PRDM11: variants seen among roughly 807,000 people sequenced by gnomAD.
PRDM11 encodes the protein PR/SET domain 11.
Under a neutral mutation model 97.8 loss-of-function variants are expected in PRDM11, and 20 were observed. That is an observed-to-expected ratio of 0.20 (90% CI 0.14 to 0.30). The LOEUF is 0.30. Among genes scored for constraint, PRDM11 ranks in the 10% least tolerant of loss-of-function variants. PRDM11 has a pLI of 1.00. For synonymous variants in PRDM11, 599 were observed against 637.7 expected, an observed-to-expected ratio of 0.94 and a Z score of 0.91; for missense variants, 1,139 against 1,555.2, an observed-to-expected ratio of 0.73 and a Z score of 4.50.
intron 1 of PRDM11, among the ~76,000 whole-genome samples, chr11:45,158,596 C>T (rs1851856590): frequency 6.6e-6 from 1 of 152,224 alleles, no homozygotes; most frequent in Non-Finnish European, 1.5e-5. Context: ...TTAGAGTCCT[C>T]ACCCTGTCTG....
Position 45,121,744 on chromosome 11 carries a change from GCTCT to G in PRDM11, c.96+25846_96+25849del, listed in dbSNP as rs376615099. On this transcript the variant is annotated intron_variant, in intron 1 of 6. Coordinates refer to the PRDM11 transcript ENST00000530656. The stretch of plus-strand genomic sequence containing the variant: ...AAAGAACTGAAATTATACAGAATAT[GCTCT>G]CTAACTGGAGTGGAGTTAATTAGAA... Among the ~76,000 whole-genome samples the G allele has an allele frequency of 1.7e-4, 26 of 152,234 alleles. 1 individual carries two copies. The South Asian group carries it at 5.2e-3, about 30-fold the overall frequency.
chr11:45,233,944 C>T lies in PRDM11; in HGVS notation c.*5785C>T, dbSNP rs1328780403. The T allele has an allele frequency of 6.6e-6, 1 of 152,316 alleles. No homozygotes were observed. Among genetic ancestry groups the T allele is most frequent in the Non-Finnish European group, 1.5e-5 (1 of 68,112 alleles). The allele number at this position is 152,316 out of a possible 1,614,324, so 9.4% of individuals were successfully genotyped here. A position where few individuals can be genotyped will look rare whatever the true frequency, so the allele number is the denominator to read the frequency against. ...CTCACAGAGGCCCCGTGGCCCCTAC[C>T]CCACTCCCGCCGTAACAGGCAGGTT... On this transcript the variant is annotated 3_prime_UTR_variant, in exon 8 of 8. Transcript: ENST00000683152.
At chr11:45,209,180 C>T in intron 5 of PRDM11, 1 of 452,180 alleles carries the variant, frequency 2.2e-6, no homozygotes, top group Non-Finnish European at 4.5e-6. Context: ...GCCGGGCCCC[C>T]ACCATCGTGC....
intron 7 of PRDM11, 191 bp downstream of exon 7, chr11:45,225,034 G>A: frequency 6.9e-7 from 1 of 1,449,756 alleles, no homozygotes; most frequent in Non-Finnish European, 9.0e-7. Flanking sequence ...GCTCTGCCAG[G>A]TGCTCCATGT....
At chr11:45,220,588 T>C (rs954168674) in intron 6 of PRDM11, among the ~76,000 whole-genome samples, 5 of 152,252 alleles carry the variant, frequency 3.3e-5, no homozygotes, top group East Asian at 3.8e-4. Flanking sequence ...CTAATCCATA[T>C]TGGTCTGACT....
intron 5 of PRDM11, among the ~76,000 whole-genome samples, chr11:45,205,204 A>C (rs185828394): frequency 4.6e-5 from 7 of 152,300 alleles, no homozygotes; most frequent in Admixed American, 3.9e-4. Context: ...GGCTCTGACA[A>C]AGTCTTCAGC....
In PRDM11 at chr11:45,231,326, G is replaced by A. The variant is rs936724647; in HGVS notation, c.*3167G>A. On this transcript the variant is annotated 3_prime_UTR_variant, in exon 8 of 8. Transcript: ENST00000683152. ...TCTTCTGCTTGCTTGAGAAGGACTT[G>A]GACTGATGGGACACTCAGGGTCTAG... is the stretch of plus-strand genomic sequence containing the variant. The A allele has an allele frequency of 1.3e-5, 2 of 152,004 alleles. No homozygotes were observed. Among genetic ancestry groups the A allele is most frequent in the Non-Finnish European group, 2.9e-5 (2 of 68,056 alleles). The allele number at this position is 152,004 out of a possible 1,614,324, so 9.4% of individuals were successfully genotyped here.
chr11:45,100,110 A>G (rs1851948716), intron 1 of PRDM11, among the ~76,000 whole-genome samples: 2 of 152,222 alleles, frequency 1.3e-5, no homozygotes, highest in Admixed American at 6.5e-5. Context: ...GCATCAACAC[A>G]TCCTACATCA....
chr11:45,217,388 C>T (rs895559949), intron 5 of PRDM11, among the ~76,000 whole-genome samples: 2 of 152,148 alleles, frequency 1.3e-5, no homozygotes, highest in South Asian at 2.1e-4. Flanking sequence ...TCAGGGATAG[C>T]GATGCTTATA....
chr11:45,104,915 C>T (rs11038297), intron 1 of PRDM11, among the ~76,000 whole-genome samples: 13,982 of 152,326 alleles, frequency 0.092, 707 homozygotes, highest in Middle Eastern at 0.2. Flanking sequence ...CTCCTGCATC[C>T]TGGACAGGGG....
intron 1 of PRDM11, among the ~76,000 whole-genome samples, chr11:45,098,784 G>A (rs562208563): frequency 1.3e-5 from 2 of 152,144 alleles, no homozygotes; most frequent in African/African-American, 4.8e-5. Flanking sequence ...GCCTGAGAAA[G>A]GTAGTGCTCC....
intron 1 of PRDM11, among the ~76,000 whole-genome samples, chr11:45,167,295 C>T (rs535594291): frequency 1.2e-4 from 18 of 152,298 alleles, no homozygotes; most frequent in African/African-American, 2.9e-4. Context: ...ATGACACACA[C>T]GTGCACACAT....
rs889727101 is a variant in PRDM11 at position 45,149,567 on chromosome 11, C to T, written c.-7+2690C>T. ...AGTAGGTTGACTGGAGCTCTACCTGCGCTTGGGTGGGGGCCCCATGACTGG... is the reference window on the plus strand; with the variant it reads ...AGTAGGTTGACTGGAGCTCTACCTGTGCTTGGGTGGGGGCCCCATGACTGG... On this transcript the variant is annotated intron_variant, in intron 1 of 7. Transcript: ENST00000683152. Among the ~76,000 whole-genome samples the T allele has an allele frequency of 1.2e-4, 19 of 152,234 alleles. 1 individual carries two copies. Among genetic ancestry groups the T allele is most frequent in the Non-Finnish European group, 2.4e-4 (16 of 68,044 alleles).
intron 4 of PRDM11, among the ~76,000 whole-genome samples, chr11:45,197,079 G>A (rs1396565467): frequency 2.0e-5 from 3 of 152,184 alleles, no homozygotes; most frequent in East Asian, 3.9e-4. Flanking sequence ...GGTGGGAGGT[G>A]AAATCAAAGT....
rs1442372489 is a variant in PRDM11, at chr11:45,228,102, G to A, written c.3477G>A (p.Glu1159=). The A allele has an allele frequency of 6.5e-7, 1 of 1,533,678 alleles. No homozygotes were observed. Among genetic ancestry groups the A allele is most frequent in the African/African-American group, 1.4e-5 (1 of 72,918 alleles). Residue 1159 remains glutamate (E), a synonymous_variant, in exon 8 of 8, where the codon GAG becomes GAA. Transcript: ENST00000683152. ...TCCTCAGTAGGATGTCTGCGCTGGA[G>A]CAGAAGCCAGCACTACAGACCATGG... ...AEVLSRMSAL[E]QKPALQTMDH... is the part of the protein sequence containing the mutation.
At chr11:45,172,476 G>T (rs1390425367) in intron 1 of PRDM11, among the ~76,000 whole-genome samples, 1 of 152,098 alleles carries the variant, frequency 6.6e-6, no homozygotes, top group Non-Finnish European at 1.5e-5. Flanking sequence ...ATGATCCGGT[G>T]GGGCTCCTTA....
At chr11:45,213,021 G>T (rs763039454) in intron 5 of PRDM11, 1 of 411,590 alleles carries the variant, frequency 2.4e-6, no homozygotes, top group Non-Finnish European at 5.0e-6. Flanking sequence ...ACCAGGTCTC[G>T]GAAGAGAAAG....
intron 1 of PRDM11, among the ~76,000 whole-genome samples, chr11:45,104,886 C>T (rs527952999): frequency 6.6e-6 from 1 of 152,346 alleles, no homozygotes; most frequent in South Asian, 2.1e-4. Context: ...CTTCACGGAG[C>T]TCCTGGGACC....
At chr11:45,111,168 T>A (rs1001551923) in intron 1 of PRDM11, among the ~76,000 whole-genome samples, 2 of 152,176 alleles carry the variant, frequency 1.3e-5, no homozygotes, top group Non-Finnish European at 2.9e-5. Context: ...CGACACCATC[T>A]TTGACTTACT....
Sources: allele counts gnomAD v4.1 joint callset (sites outside exome capture counted in the v4.1 genomes callset), GRCh38; gene constraint gnomAD v4.1.1; transcripts MANE v1.5; gene names NCBI Gene and HGNC (gene_info 2026-07-23, HGNC 2026-07-21).